Variants in FGF13 observed in about 807,000 individuals in gnomAD.
The protein encoded by FGF13 is fibroblast growth factor 13, also known as fibroblast growth factor homologous factor 2.
Under a neutral mutation model 19.5 loss-of-function variants are expected in FGF13, and 2 were observed. That is an observed-to-expected ratio of 0.10 (90% CI 0.04 to 0.32). The LOEUF (loss-of-function observed/expected upper bound fraction) is 0.32. Ranked by LOEUF, FGF13 falls within the 10% of genes least tolerant of loss-of-function variation. FGF13 has a pLI of 1.00. For synonymous variants in FGF13, 72 were observed against 76.9 expected, an observed-to-expected ratio of 0.94 and a Z score of 0.33; for missense variants, 113 against 192.7, an observed-to-expected ratio of 0.59 and a Z score of 2.45.
chrX:138,984,468 AAGAAGGAGAAGGAGAAGAAGG>A (rs2091977924), intron 1 of FGF13, among the ~76,000 whole-genome samples: 1 of 91,075 alleles, frequency 1.1e-5, no homozygotes, highest in Non-Finnish European at 2.2e-5. Flanking sequence ...GGAGAAGGAG[AAGAAGGAGAAGGAGAAGAAGG>A]AGAAGGAGAA....
At chrX:138,874,433 CT>C (rs951035240) in intron 1 of FGF13, among the ~76,000 whole-genome samples, 7 of 110,050 alleles carry the variant, frequency 6.4e-5, no homozygotes, top group African/African-American at 2.3e-4. Context: ...TCTTTCTTCT[CT>C]TTTTTTTCCC....
intron 1 of FGF13, among the ~76,000 whole-genome samples, chrX:139,111,365 G>A (rs1423860248): frequency 8.9e-6 from 1 of 111,870 alleles, no homozygotes; most frequent in East Asian, 2.8e-4. Flanking sequence ...GCAAAGCTGG[G>A]AGATCCTCAG....
chrX:139,028,669 G>GTGTGTGTGAA lies in FGF13; in HGVS notation c.-112-164020_-112-164019insTTCACACACA, dbSNP rs2092212958. ...TGTGTGTGAGAGAGAGAGAGAAAGA[G>GTGTGTGTGAA]AGAGTGTGTGTGAAAGACAGTGTGT... On this transcript the variant is annotated intron_variant, in intron 1 of 2. Coordinates refer to the FGF13 transcript ENST00000421460. 2.2e-4 allele frequency among the ~76,000 whole-genome samples: 11 copies of GTGTGTGTGAA among 50,858 alleles called. No homozygotes were observed. In the Admixed American group the frequency reaches 2.5e-3, roughly 12 times the overall value. The allele number at this position is 50,858 out of a possible 115,157, so 44.2% of individuals were successfully genotyped here.
chrX:138,658,740 G>T (rs1438714183), intron 3 of FGF13, among the ~76,000 whole-genome samples: 2 of 111,466 alleles, frequency 1.8e-5, no homozygotes, highest in African/African-American at 6.5e-5. Context: ...TGAGCCTTGA[G>T]CTTCAAAATT....
At chrX:138,774,607 G>A (rs2090574215) in intron 3 of FGF13, among the ~76,000 whole-genome samples, 1 of 111,175 alleles carries the variant, frequency 9.0e-6, no homozygotes, top group Non-Finnish European at 1.9e-5. Context: ...CACAAAATTT[G>A]GCTTAACTCC....
chrX:139,013,165 T>C (rs1177760143), intron 1 of FGF13, among the ~76,000 whole-genome samples: 1 of 110,702 alleles, frequency 9.0e-6, no homozygotes, highest in African/African-American at 3.3e-5. Context: ...CCTGCAAGAA[T>C]GGCCATAATC....
chrX:139,044,259 T>C (rs759960396), intron 1 of FGF13, among the ~76,000 whole-genome samples: 14 of 111,938 alleles, frequency 1.3e-4, no homozygotes, highest in Non-Finnish European at 1.9e-4. Flanking sequence ...GGAAGCATGG[T>C]GCTGGCATCT....
At chrX:138,954,703 T>C (rs1026628234) in intron 1 of FGF13, among the ~76,000 whole-genome samples, 6 of 111,582 alleles carry the variant, frequency 5.4e-5, no homozygotes, top group Admixed American at 1.9e-4. Flanking sequence ...ATCTGAGAGA[T>C]CAGCTGGGGA....
intron 1 of FGF13, among the ~76,000 whole-genome samples, chrX:138,737,284 A>C (rs1402397697): frequency 8.9e-6 from 1 of 111,935 alleles, no homozygotes; most frequent in Non-Finnish European, 1.9e-5. Flanking sequence ...TATGAAGGCT[A>C]AGAGATAAAC....
chrX:139,007,218 G>A (rs2092105793), intron 1 of FGF13, among the ~76,000 whole-genome samples: 1 of 111,453 alleles, frequency 9.0e-6, no homozygotes, highest in Non-Finnish European at 1.9e-5. Flanking sequence ...GAGACAAAAT[G>A]GATTTCAAGA....
chrX:139,174,808 A>G (rs769056000), intron 1 of FGF13, among the ~76,000 whole-genome samples: 24 of 112,107 alleles, frequency 2.1e-4, no homozygotes, highest in African/African-American at 6.5e-4. Flanking sequence ...GCCTTGTAGT[A>G]TAGTTTGAAG....
chrX:138,714,251 G>A (rs973254929), upstream of FGF13: 3 of 111,877 alleles, frequency 2.7e-5, no homozygotes, highest in African/African-American at 6.5e-5. Context: ...ACTCACAAAG[G>A]CCTGTGACCA....
At chrX:138,651,000 T>C (rs1404375977) in intron 3 of FGF13, among the ~76,000 whole-genome samples, 1 of 111,832 alleles carries the variant, frequency 8.9e-6, no homozygotes, top group East Asian at 2.8e-4. Context: ...GCAATTCAGA[T>C]CTACTGAAGG....
chrX:138,682,451 GGTGT>G (rs370699077), intron 3 of FGF13, among the ~76,000 whole-genome samples: 2 of 110,510 alleles, frequency 1.8e-5, no homozygotes, highest in Non-Finnish European at 3.8e-5. Flanking sequence ...ATATCAGAGG[GGTGT>G]GTGTGTGTGT....
intron 3 of FGF13, among the ~76,000 whole-genome samples, chrX:138,751,164 GT>G (rs761986533): frequency 9.0e-6 from 1 of 111,285 alleles, no homozygotes; most frequent in Admixed American, 9.6e-5. Context: ...GGTGGAGACA[GT>G]GGGGTGAGGA....
intron 1 of FGF13, among the ~76,000 whole-genome samples, chrX:139,192,537 G>A (rs2084339882): frequency 8.9e-6 from 1 of 112,252 alleles, no homozygotes; most frequent in African/African-American, 3.2e-5. Flanking sequence ...CTTTAGGCAA[G>A]CTTGAGAAAC....
chrX:138,660,858 G>A (rs2089483917), intron 3 of FGF13, among the ~76,000 whole-genome samples: 2 of 111,508 alleles, frequency 1.8e-5, no homozygotes, highest in African/African-American at 3.3e-5. Flanking sequence ...TTAGAATAAA[G>A]TGATTTGAAA....
chrX:138,840,361 T>C (rs1222461790), intron 3 of FGF13, among the ~76,000 whole-genome samples: 2 of 111,777 alleles, frequency 1.8e-5, no homozygotes, highest in Non-Finnish European at 3.8e-5. Context: ...CCATGGTACC[T>C]AATGCTTATC....
At chrX:138,933,872 A>T (rs1458619242) in intron 1 of FGF13, among the ~76,000 whole-genome samples, 2 of 111,888 alleles carry the variant, frequency 1.8e-5, no homozygotes, top group Non-Finnish European at 1.9e-5. Flanking sequence ...GGCATTGACC[A>T]TGTCATAGTC....
Sources: allele counts gnomAD v4.1 joint callset (sites outside exome capture counted in the v4.1 genomes callset), GRCh38; gene constraint gnomAD v4.1.1; transcripts MANE v1.5; gene names NCBI Gene and HGNC (gene_info 2026-07-23, HGNC 2026-07-21).